SNED1: variants seen among roughly 807,000 people sequenced by gnomAD.
SNED1 encodes the protein sushi, nidogen and EGF-like domain-containing protein 1.
SNED1 carries 81 observed loss-of-function variants against 166.7 expected under a neutral mutation model. That is an observed-to-expected ratio of 0.49 (90% CI 0.41 to 0.58). SNED1 has a LOEUF of 0.58. Among genes scored for constraint, SNED1 ranks in the 20% least tolerant of loss-of-function variants. The pLI, the probability that SNED1 is intolerant of heterozygous loss-of-function variation, is 0.00. For missense variants in SNED1, 1,604 were observed against 2,000.2 expected, an observed-to-expected ratio of 0.80 and a Z score of 3.78; for synonymous variants, 762 against 822.0, an observed-to-expected ratio of 0.93 and a Z score of 1.25.
chr2:241,083,349 T>C (rs1255156591), intron 29 of SNED1, among the ~76,000 whole-genome samples: 1 of 151,432 alleles, frequency 6.6e-6, no homozygotes, highest in African/African-American at 2.4e-5. Context: ...CTCGGGGCCA[T>C]GGAGACCCAC....
At position 241,071,832 on chromosome 2, in the gene SNED1, C is replaced by T. The variant is rs369200392; in HGVS notation, c.3771C>T (p.Ser1257=). 5.9e-5 allele frequency: 95 copies of T among 1,603,548 alleles called. No homozygotes were observed. The highest frequency in any genetic ancestry group is 1.0e-4 in the South Asian group (9 of 88,662). ...SELVDGRGRV[S]ARFGGSPSKA... ...TTGTGGACGGCAGAGGAAGAGTGAG[C>T]GCCAGGTTCGGTGGCTCACCCAGCA... Residue 1257 remains serine, a synonymous_variant, in exon 26 of 32, where the codon AGC becomes AGT. Transcript: ENST00000310397.
At chr2:241,085,384 CAA>C (rs1206184821) in intron 29 of SNED1, among the ~76,000 whole-genome samples, 1 of 152,178 alleles carries the variant, frequency 6.6e-6, no homozygotes, top group Non-Finnish European at 1.5e-5. Context: ...TCCTGTTCAA[CAA>C]AAGTTTTATT....
intron 2 of SNED1, among the ~76,000 whole-genome samples, chr2:241,032,159 G>C (rs542642125): frequency 6.6e-6 from 1 of 152,250 alleles, no homozygotes; most frequent in South Asian, 2.1e-4. Flanking sequence ...AGATCAGCCT[G>C]GCCAACATGA....
Position 241,095,078 on chromosome 2 carries a change from A to ACT in SNED1, c.*3443_*3444insTC, listed in dbSNP as rs2064328539. On this transcript the variant is annotated 3_prime_UTR_variant, in exon 32 of 32. Transcript: ENST00000310397. The stretch of plus-strand genomic sequence containing the variant: ...GTGACACGCCCCCCCCCCCCCCCAC[A>ACT]CCCACCTTGGGGGGTCACGGATTGC... The ACT allele has an allele frequency of 1.6e-5, 1 of 63,322 alleles. No homozygotes were observed. The highest frequency in any genetic ancestry group is 4.8e-5 in the African/African-American group (1 of 20,806). The allele number at this position is 63,322 out of a possible 1,614,324, so 3.9% of individuals were successfully genotyped here.
intron 16 of SNED1, among the ~76,000 whole-genome samples, chr2:241,059,058 C>A (rs1167218259): frequency 6.6e-6 from 1 of 152,118 alleles, no homozygotes; most frequent in Non-Finnish European, 1.5e-5. Flanking sequence ...CTCGTGTTTA[C>A]AGTGGAGTCC....
chr2:241,080,390 T>G (rs749042135), intron 27 of SNED1, among the ~76,000 whole-genome samples: 3 of 152,228 alleles, frequency 2.0e-5, no homozygotes, highest in Non-Finnish European at 4.4e-5. Flanking sequence ...CCTAATTTTC[T>G]AGTTCTGTTC....
intron 2 of SNED1, chr2:241,033,444 G>A: frequency 2.9e-6 from 1 of 343,850 alleles, no homozygotes. Flanking sequence ...CTAAGGGCAG[G>A]GGACAGTGTC....
rs1416947913 is a variant in SNED1, at chr2:241,071,834, C to T, written c.3773C>T (p.Ala1258Val). ...ELVDGRGRVS[A>V]RFGGSPSKAA... ...GTGGACGGCAGAGGAAGAGTGAGCGCCAGGTTCGGTGGCTCACCCAGCAAA... is the reference window on the plus strand; with the variant it reads ...GTGGACGGCAGAGGAAGAGTGAGCGTCAGGTTCGGTGGCTCACCCAGCAAA... The change falls in exon 26 of 32, where the codon GCC (alanine) becomes GTC (valine). Residue 1258 changes from alanine (A) to valine (V), a missense_variant. By Grantham distance (64) the Ala-to-Val change is moderately conservative. This residue lies in a region of SNED1 where 367 missense variants were observed against 379.4 expected (regional missense o/e 0.97). Transcript: ENST00000310397. 1.2e-6 allele frequency: 2 copies of T among 1,604,820 alleles called. No individual in the cohort carries two copies. Among genetic ancestry groups the T allele is most frequent in the South Asian group, 2.2e-5 (2 of 88,996 alleles).
rs1286250629 is a variant in SNED1 at position 241,051,807 on chromosome 2, G to C, written c.1799G>C (p.Gly600Ala). The C allele has an allele frequency of 5.1e-6, 8 of 1,562,408 alleles. No homozygotes were observed. In the South Asian group the frequency reaches 8.3e-5, roughly 16 times the overall value. ...GGGGGCACGTGCAAGGAGGCGGGCG[G>C]CGAGTACCACTGCAGCTGCCCCTAC... ...RNGGTCKEAG[G>A]EYHCSCPYRF... is the part of the protein sequence containing the mutation. Residue 600 changes from glycine to alanine, a missense_variant, in exon 13 of 32, where the codon GGC becomes GCC. Coordinates refer to ENST00000310397, the MANE Select transcript of SNED1 (RefSeq NM_001080437.3). This position sits in a 1 kb window ranked among gnomAD's most constrained non-coding sequence, Gnocchi z 4.7.
At position 241,033,857 on chromosome 2, in the gene SNED1, C is replaced by A; in HGVS notation, c.624C>A (p.Leu208=). Residue 208 remains leucine (L), a synonymous_variant, in exon 3 of 32, where the codon CTC becomes CTA. Transcript: ENST00000310397. ...GCAGCGGGGGCAACGCCACTGGCCT[C>A]GGGGGCATCGCAGCCCAGGTAGGCG... ...HASSGGNATG[L]GGIAAQAGFN... The A allele has an allele frequency of 6.2e-7, 1 of 1,604,822 alleles. No individual in the cohort carries two copies. Among genetic ancestry groups the A allele is most frequent in the Non-Finnish European group, 8.5e-7 (1 of 1,176,514 alleles).
chr2:241,009,862 C>T (rs997002383), intron 1 of SNED1, among the ~76,000 whole-genome samples: 6 of 152,122 alleles, frequency 3.9e-5, no homozygotes, highest in East Asian at 1.9e-4. Context: ...GTATTGCCGT[C>T]GGTGGCTGGG....
At chr2:241,052,686 TC>T (rs2061896450) in intron 15 of SNED1, among the ~76,000 whole-genome samples, 2 of 962 alleles carry the variant, frequency 2.1e-3, no homozygotes, top group African/African-American at 6.1e-3. Flanking sequence ...GGTGAGAGGG[TC>T]GGCGGGGGGG....
At position 241,053,142 on chromosome 2, in the gene SNED1, G is replaced by A. The variant is rs764159279; in HGVS notation, c.2084-11G>A. On this transcript the variant is annotated splice_polypyrimidine_tract_variant and intron_variant, in intron 15 of 31. Transcript: ENST00000310397. ...ACAGGACCGTGCGAGACAGGCTGCC[G>A]TGCCTTGCAGAGGTGGACTGCGGCC... 2.0e-5 allele frequency: 32 copies of A among 1,605,876 alleles called. No homozygotes were observed. Among genetic ancestry groups the A allele is most frequent in the African/African-American group, 8.0e-5 (6 of 74,960 alleles).
intron 8 of SNED1, among the ~76,000 whole-genome samples, chr2:241,045,717 A>C (rs1277096515): frequency 1.3e-5 from 2 of 151,988 alleles, no homozygotes; most frequent in Non-Finnish European, 2.9e-5. Context: ...CATAGGCAAA[A>C]AAAAAAAAAA....
At chr2:241,047,910 G>T (rs1404750243) in intron 8 of SNED1, among the ~76,000 whole-genome samples, 1 of 150,782 alleles carries the variant, frequency 6.6e-6, no homozygotes, top group Admixed American at 6.6e-5. Flanking sequence ...TCTCTCCGGT[G>T]CTTCTTGTTC....
At chr2:241,045,494 CCAAA>C (rs1002894398) in intron 8 of SNED1, among the ~76,000 whole-genome samples, 26 of 151,972 alleles carry the variant, frequency 1.7e-4, no homozygotes, top group Middle Eastern at 3.4e-3. Context: ...AGAATTAAGC[CCAAA>C]CAAATATAGC....
At position 240,998,832 on chromosome 2, in the gene SNED1, T is replaced by C. The variant is rs2106511750; in HGVS notation, c.-6T>C. 1.7e-6 allele frequency: 2 copies of C among 1,194,788 alleles called. 1 individual carries two copies. 74.0% of individuals were successfully genotyped at this position (1,194,788 alleles called of 1,614,324 possible). ...CAGCGCCCCGTCCCGCCCGCACACC[T>C]CCGCGATGCGGCACGGCGTCGCCTG... On this transcript the variant is annotated 5_prime_UTR_variant, in exon 1 of 32. Transcript: ENST00000310397.
chr2:241,002,545 T>A (rs1469322294), intron 1 of SNED1, among the ~76,000 whole-genome samples: 1 of 151,986 alleles, frequency 6.6e-6, no homozygotes, highest in Non-Finnish European at 1.5e-5. Flanking sequence ...TGGAAGGGGA[T>A]CCTGGGGAAG....
At chr2:241,076,765 C>T (rs748596323) in intron 27 of SNED1, among the ~76,000 whole-genome samples, 40 of 151,100 alleles carry the variant, frequency 2.6e-4, no homozygotes, top group Non-Finnish European at 1.9e-4. Context: ...GGGCCGGGCG[C>T]GGGGGCTCAC....
Sources: allele counts gnomAD v4.1 joint callset (sites outside exome capture counted in the v4.1 genomes callset), GRCh38; gene constraint gnomAD v4.1.1; regional missense constraint gnomAD v4.1.1; non-coding constraint Gnocchi (gnomAD v3.1); transcripts MANE v1.5; gene names NCBI Gene and HGNC (gene_info 2026-07-23, HGNC 2026-07-21).